Variants in TIMD4 observed in about 807,000 individuals in gnomAD.
TIMD4 encodes the protein T-cell immunoglobulin and mucin domain-containing protein 4.
Under a neutral mutation model 41.2 loss-of-function variants are expected in TIMD4, and 31 were observed. The observed-to-expected ratio is 0.75, with a 90% confidence interval of 0.57 to 1.01. TIMD4 has a LOEUF of 1.01. Ranked by LOEUF, TIMD4 falls within the 50% of genes least tolerant of loss-of-function variation. TIMD4 has a pLI of 0.00. For missense variants in TIMD4, 479 were observed against 472.5 expected (o/e 1.01, Z -0.13); for synonymous variants, 204 against 177.1 (o/e 1.15, Z -1.21).
intron 3 of TIMD4, 37 bp downstream of exon 3, chr5:156,951,475 A>T: frequency 6.2e-7 from 1 of 1,610,080 alleles, no homozygotes; most frequent in Non-Finnish European, 8.5e-7. Context: ...TCAGTGAGAC[A>T]GCACTGTTCT....
Position 156,940,166 on chromosome 5 carries a change from C to T in TIMD4, c.844+8250G>A, listed in dbSNP as rs577548840. Among the ~76,000 whole-genome samples, 12 of 152,370 alleles carry T rather than the reference C, an allele frequency of 7.9e-5. No individual in the cohort carries two copies. The South Asian group carries it at 2.1e-3, about 26-fold the overall frequency. On this transcript the variant is annotated intron_variant, in intron 5 of 8. Transcript: ENST00000274532. Reference sequence around the variant, plus strand: ...GGAGACGGGGTTTCGCCCTGTTGGCCGGGCTGGTCTCCAGCTCCTGACCTC... The same window carrying T: ...GGAGACGGGGTTTCGCCCTGTTGGCTGGGCTGGTCTCCAGCTCCTGACCTC...
chr5:156,945,936 C>T (rs1406969118), intron 5 of TIMD4, among the ~76,000 whole-genome samples: 7 of 152,134 alleles, frequency 4.6e-5, no homozygotes, highest in South Asian at 2.1e-4. Context: ...ATAACACGTG[C>T]GCAATAAACC....
chr5:156,953,074 A>G (rs1232551545), intron 2 of TIMD4, among the ~76,000 whole-genome samples: 3 of 152,216 alleles, frequency 2.0e-5, no homozygotes, highest in Non-Finnish European at 4.4e-5. Context: ...AATGGACCAG[A>G]AAGACACCAT....
Position 156,926,360 on chromosome 5 carries a change from A to T in TIMD4, c.845-48T>A, listed in dbSNP as rs1759347844. ...ATGGTTATATGTCTGGTTGGGGAAT[A>T]AAATATCACATCCTGAAATAGGTAA... On this transcript the variant is annotated intron_variant, in intron 5 of 8. Transcript: ENST00000274532. 9.5e-6 allele frequency: 15 copies of T among 1,587,002 alleles called. No homozygotes were observed. In the East Asian group the frequency reaches 3.4e-4, roughly 36 times the overall value.
rs1184018585 is a variant in TIMD4, at chr5:156,954,740, C to A, written c.75G>T (p.Glu25Asp). ...WWLYLTPVTS[E>D]TVVTEVLGHR... ...GACCCAAAACCTCCGTCACAACAGT[C>A]TCTGAAGTGACTGGTGCTGCAAGGA... is the stretch of plus-strand genomic sequence containing the variant. Residue 25 changes from glutamate to aspartate, a missense_variant, in exon 2 of 9, where the codon GAG becomes GAT. Physicochemically the swap from Glu to Asp is conservative, Grantham distance 45. Coordinates refer to ENST00000274532, the MANE Select transcript of TIMD4 (RefSeq NM_138379.3). 7 of 1,610,052 alleles carry A rather than the reference C, an allele frequency of 4.3e-6. No individual in the cohort carries two copies. Among genetic ancestry groups the A allele is most frequent in the Non-Finnish European group, 5.9e-6 (7 of 1,177,340 alleles).
At chr5:156,959,239 T>C (rs748710692) in intron 1 of TIMD4, among the ~76,000 whole-genome samples, 23 of 152,286 alleles carry the variant, frequency 1.5e-4, no homozygotes, top group Non-Finnish European at 2.9e-4. Context: ...CAACATCCAT[T>C]AAGCTCACAT....
At chr5:156,946,622 G>A (rs750874938) in intron 5 of TIMD4, among the ~76,000 whole-genome samples, 2 of 150,734 alleles carry the variant, frequency 1.3e-5, no homozygotes, top group South Asian at 2.1e-4. Context: ...GACTACGGGC[G>A]CCCGCCACCA....
intron 6 of TIMD4, among the ~76,000 whole-genome samples, chr5:156,922,552 T>C (rs1759263521): frequency 6.6e-6 from 1 of 152,238 alleles, no homozygotes; most frequent in Non-Finnish European, 1.5e-5. Flanking sequence ...CATGGCTGAC[T>C]TAGGCTTCTA....
rs1561554564 is a variant in TIMD4 at position 156,954,590 on chromosome 5, C to T, written c.225G>A (p.Arg75=). Residue 75 remains arginine, a synonymous_variant, in exon 2 of 9, where the codon AGG becomes AGA. Transcript: ENST00000274532. Reference sequence around the variant, plus strand: ...ATTTTGCTGACTTTCTTGAGGTCACCCTCATTCCATCAGTGCGGATGAGCG... The same window carrying T: ...ATTTTGCTGACTTTCTTGAGGTCACTCTCATTCCATCAGTGCGGATGAGCG... The part of the protein sequence containing the change: ...KEALIRTDGM[R]VTSRKSAKYR... 5.6e-6 allele frequency: 9 copies of T among 1,614,208 alleles called. No individual in the cohort carries two copies. Among genetic ancestry groups the T allele is most frequent in the East Asian group, 2.2e-5 (1 of 44,886 alleles).
chr5:156,952,956 T>C (rs1187662284), intron 2 of TIMD4, among the ~76,000 whole-genome samples: 1 of 152,062 alleles, frequency 6.6e-6, no homozygotes, highest in African/African-American at 2.4e-5. Flanking sequence ...AAAGATTGGT[T>C]CATACCAACA....
intron 5 of TIMD4, among the ~76,000 whole-genome samples, 153 bp downstream of exon 5, chr5:156,948,263 G>T (rs1371352302): frequency 1.4e-5 from 2 of 147,980 alleles, no homozygotes; most frequent in Non-Finnish European, 3.0e-5. Context: ...AAGGCAGGAG[G>T]ATCACTTGAG....
At chr5:156,924,087 A>G in intron 6 of TIMD4, 1 of 218,764 alleles carries the variant, frequency 4.6e-6, no homozygotes, top group Admixed American at 5.6e-5. Context: ...AACGTTTAAA[A>G]AGACCTTGTG....
chr5:156,928,956 T>G (rs1396364368), intron 5 of TIMD4, among the ~76,000 whole-genome samples: 1 of 152,230 alleles, frequency 6.6e-6, no homozygotes, highest in East Asian at 1.9e-4. Context: ...AGAGCTAATC[T>G]GTATTTTAAA....
intron 6 of TIMD4, among the ~76,000 whole-genome samples, chr5:156,923,307 C>G (rs1759285692): frequency 6.6e-6 from 1 of 151,882 alleles, no homozygotes; most frequent in Non-Finnish European, 1.5e-5. Context: ...CATATCCAAG[C>G]CCGGCTAATT....
intron 5 of TIMD4, among the ~76,000 whole-genome samples, chr5:156,936,744 C>T (rs1759545980): frequency 1.3e-5 from 2 of 151,584 alleles, no homozygotes; most frequent in African/African-American, 4.9e-5. Context: ...TGGTGAAACC[C>T]CGTCTCTACA....
At position 156,954,493 on chromosome 5, in the gene TIMD4, C is replaced by T. The variant is rs1357076236; in HGVS notation, c.322G>A (p.Gly108Ser). ...TILNPSESDS[G>S]VYCCRIEVPG... ...ACTTCTATGCGGCAGCAGTACACACCGCTGTCACTTTCACTGGGGTTTAAG... is the reference window on the plus strand; with the variant it reads ...ACTTCTATGCGGCAGCAGTACACACTGCTGTCACTTTCACTGGGGTTTAAG... The change falls in exon 2 of 9, where the codon GGT (glycine) becomes AGT (serine). Residue 108 changes from glycine (G) to serine (S), a missense_variant. By Grantham distance (56) the Gly-to-Ser change is moderately conservative. Coordinates refer to ENST00000274532, the MANE Select transcript of TIMD4 (RefSeq NM_138379.3). The T allele has an allele frequency of 1.1e-5, 17 of 1,614,110 alleles. No homozygotes were observed. Among genetic ancestry groups the T allele is most frequent in the South Asian group, 5.5e-5 (5 of 91,092 alleles).
chr5:156,927,673 G>A (rs949175056), intron 5 of TIMD4, among the ~76,000 whole-genome samples: 2 of 152,154 alleles, frequency 1.3e-5, no homozygotes, highest in Non-Finnish European at 2.9e-5. Flanking sequence ...TGCTTAGAAG[G>A]CAGAACAACA....
chr5:156,940,038 G>A (rs1759611691), intron 5 of TIMD4, among the ~76,000 whole-genome samples: 1 of 152,236 alleles, frequency 6.6e-6, no homozygotes, highest in South Asian at 2.1e-4. Flanking sequence ...CGCGATCTCG[G>A]CTCACTGCAA....
chr5:156,940,130 T>C (rs915415851), intron 5 of TIMD4, among the ~76,000 whole-genome samples: 2 of 152,248 alleles, frequency 1.3e-5, no homozygotes, highest in African/African-American at 2.4e-5. Flanking sequence ...CTGGTTTTTG[T>C]ATTTTTTGGT....
Sources: gnomAD v4.1 joint callset for allele counts (sites outside exome capture counted in the v4.1 genomes callset) on GRCh38, gnomAD v4.1.1 for gene constraint, MANE v1.5 for transcripts, NCBI Gene and HGNC (gene_info 2026-07-23, HGNC 2026-07-21) for gene names.